MRPS28: variants seen among roughly 807,000 people sequenced by gnomAD.
MRPS28 encodes small ribosomal subunit protein bS1m.
Under a neutral mutation model 10.8 loss-of-function variants are expected in MRPS28, and 7 were observed. The observed-to-expected ratio is 0.65, with a 90% CI of 0.37 to 1.22. The LOEUF is 1.22. MRPS28 is among the 50% of genes most tolerant of loss of function. The pLI is 0.02. For missense variants in MRPS28, 265 were observed against 232.9 expected (o/e 1.14, Z -0.90); for synonymous variants, 121 against 93.3 (o/e 1.30, Z -1.71).
At chr8:80,008,923 G>A (rs1229363573) in intron 1 of MRPS28, among the ~76,000 whole-genome samples, 1 of 152,196 alleles carries the variant, frequency 6.6e-6, no homozygotes, top group Non-Finnish European at 1.5e-5. Flanking sequence ...TCCCATTACT[G>A]GGTATATACC....
intron 1 of MRPS28, among the ~76,000 whole-genome samples, chr8:80,021,017 T>C (rs1809345343): frequency 6.6e-6 from 1 of 152,036 alleles, no homozygotes; most frequent in South Asian, 2.1e-4. Context: ...TTTTTTTTTT[T>C]TTTTGAGACT....
chr8:79,919,944 C>CCCCT (rs1264905126), intron 2 of MRPS28, among the ~76,000 whole-genome samples: 2 of 117,506 alleles, frequency 1.7e-5, no homozygotes, highest in Non-Finnish European at 3.4e-5. Context: ...CTATCCCTCC[C>CCCCT]CCCACCCCAT....
chr8:79,972,236 T>C (rs1041100474), intron 2 of MRPS28, among the ~76,000 whole-genome samples: 1 of 152,202 alleles, frequency 6.6e-6, no homozygotes, highest in Non-Finnish European at 1.5e-5. Context: ...ATTTCAAGTA[T>C]ACAGGAGAAT....
intron 2 of MRPS28, among the ~76,000 whole-genome samples, chr8:79,950,012 T>TATA (rs1807040323): frequency 1.3e-5 from 2 of 152,098 alleles, no homozygotes; most frequent in Admixed American, 1.3e-4. Context: ...ATATTTCAGG[T>TATA]CATATTCAGA....
rs554340441 is a variant in MRPS28, at chr8:80,017,611, T to C, written c.213+12425A>G. Among the ~76,000 whole-genome samples, 7 of 152,308 alleles carry C rather than the reference T, an allele frequency of 4.6e-5. No individual in the cohort carries two copies. In the East Asian group the frequency reaches 1.3e-3, roughly 29 times the overall value. ...AAAGACATTAAATCAGTAATTAATA[T>C]ACTTCCAAAACAGAAAGCCCCAGGT... On this transcript the variant is annotated intron_variant, in intron 1 of 2. Coordinates refer to ENST00000276585, the MANE Select transcript of MRPS28 (RefSeq NM_014018.3).
intron 2 of MRPS28, among the ~76,000 whole-genome samples, chr8:79,919,947 C>CTCCCCCA (rs1554567135): frequency 7.4e-5 from 9 of 121,700 alleles, no homozygotes; most frequent in South Asian, 3.4e-4. Flanking sequence ...TCCCTCCCCC[C>CTCCCCCA]ACCCCATAAC....
Position 79,988,565 on chromosome 8 carries a change from G to T in MRPS28, c.395+14434C>A, listed in dbSNP as rs78542444. On this transcript the variant is annotated intron_variant, in intron 2 of 2. Transcript: ENST00000276585. ...ATGTTTTCAAGTATAGGACAATGTT[G>T]AACCTAAATAATTCCTAATATATTC... Among the ~76,000 whole-genome samples, 960 of 152,012 alleles carry T rather than the reference G, an allele frequency of 6.3e-3. 15 individuals are homozygous for T. Among genetic ancestry groups the T allele is most frequent in the East Asian group, 0.057 (294 of 5,188 alleles).
chr8:80,002,886 C>A (rs1808700958), intron 2 of MRPS28, 113 bp downstream of exon 2: 2 of 937,330 alleles, frequency 2.1e-6, no homozygotes, highest in African/African-American at 1.7e-5. Context: ...ATTATCAAGA[C>A]AAATAAATAT....
At chr8:80,011,755 A>AC (rs1006279791) in intron 1 of MRPS28, among the ~76,000 whole-genome samples, 10 of 152,060 alleles carry the variant, frequency 6.6e-5, no homozygotes, top group African/African-American at 1.7e-4. Flanking sequence ...TCTCAAAAAA[A>AC]AACAACAAAA....
intron 1 of MRPS28, among the ~76,000 whole-genome samples, chr8:80,005,733 G>A (rs1442719417): frequency 3.3e-5 from 5 of 152,154 alleles, no homozygotes; most frequent in Non-Finnish European, 5.9e-5. Flanking sequence ...CTGTATTTAG[G>A]AGACCCATCT....
At chr8:79,948,612 A>T (rs1032478210) in intron 2 of MRPS28, among the ~76,000 whole-genome samples, 28 of 152,244 alleles carry the variant, frequency 1.8e-4, no homozygotes, top group African/African-American at 5.8e-4. Flanking sequence ...GTTTTTTTTT[A>T]AAATGACCTC....
intron 1 of MRPS28, among the ~76,000 whole-genome samples, chr8:80,027,224 A>G (rs537041910): frequency 4.6e-5 from 7 of 152,254 alleles, no homozygotes; most frequent in Admixed American, 1.3e-4. Context: ...AAATGCACTG[A>G]ATAAAGCTTA....
At chr8:80,018,878 G>A (rs1236996448) in intron 1 of MRPS28, among the ~76,000 whole-genome samples, 2 of 152,220 alleles carry the variant, frequency 1.3e-5, no homozygotes, top group African/African-American at 4.8e-5. Context: ...ATTACGTTAC[G>A]TGAAATAAGC....
rs7003156 is a variant in MRPS28 at position 80,011,135 on chromosome 8, A to T, written c.214-7955T>A. Among the ~76,000 whole-genome samples, 796 of 136,112 alleles carry T rather than the reference A, an allele frequency of 5.8e-3. 10 individuals are homozygous for T. The highest frequency in any genetic ancestry group is 0.022 in the African/African-American group (738 of 34,110). The allele number at this position is 136,112 out of a possible 152,430, so 89.3% of individuals were successfully genotyped here. A position where few individuals can be genotyped will look rare whatever the true frequency, so the allele number is the denominator to read the frequency against. On this transcript the variant is annotated intron_variant, in intron 1 of 2. Coordinates refer to ENST00000276585, the MANE Select transcript of MRPS28 (RefSeq NM_014018.3). ...GCCATTCTTTTTTTTTTATTTTTTT[A>T]TTTTTATTTTTTTTTGTAAGCCATT...
At chr8:79,932,799 A>C (rs940480862) in intron 2 of MRPS28, among the ~76,000 whole-genome samples, 20 of 152,192 alleles carry the variant, frequency 1.3e-4, no homozygotes, top group Admixed American at 5.2e-4. Context: ...GCCAGATCTA[A>C]CACCACTGAT....
At chr8:79,933,877 TC>T (rs1806534891) in intron 2 of MRPS28, among the ~76,000 whole-genome samples, 1 of 152,248 alleles carries the variant, frequency 6.6e-6, no homozygotes, top group Admixed American at 6.5e-5. Flanking sequence ...AGATATTTAT[TC>T]TTTTACTGAG....
chr8:80,013,426 G>A (rs989486876), intron 1 of MRPS28, among the ~76,000 whole-genome samples: 4 of 151,814 alleles, frequency 2.6e-5, no homozygotes, highest in African/African-American at 7.3e-5. Context: ...CCTGAGGTCC[G>A]GAATTCGAGA....
chr8:79,921,323 G>A (rs1258069274), intron 2 of MRPS28, among the ~76,000 whole-genome samples: 2 of 151,952 alleles, frequency 1.3e-5, no homozygotes, highest in African/African-American at 4.8e-5. Flanking sequence ...CCAATTCTGT[G>A]AAGAAAGTCA....
At position 80,010,105 on chromosome 8, in the gene MRPS28, G is replaced by C. The variant is rs567158538; in HGVS notation, c.214-6925C>G. ...CTTTTTACATATTGAATTCACTTGA[G>C]GTATGACTAATTATTCTTTTTTTCT... is the stretch of plus-strand genomic sequence containing the variant. On this transcript the variant is annotated intron_variant, in intron 1 of 2. Transcript: ENST00000276585. Among the ~76,000 whole-genome samples the C allele has an allele frequency of 1.4e-4, 21 of 152,170 alleles. No individual in the cohort carries two copies. The East Asian group carries it at 3.9e-3, about 28-fold the overall frequency.
Sources: gnomAD v4.1 joint callset for allele counts (sites outside exome capture counted in the v4.1 genomes callset) on GRCh38, gnomAD v4.1.1 for gene constraint, MANE v1.5 for transcripts, NCBI Gene and HGNC (gene_info 2026-07-23, HGNC 2026-07-21) for gene names.